Variants in DST observed in about 807,000 individuals in gnomAD.
DST encodes dystonin.
A neutral mutation model predicts 875.2 loss-of-function variants in DST; 253 were observed. The observed-to-expected ratio is 0.29, with a 90% CI of 0.26 to 0.32. The LOEUF is 0.32. Among genes scored for constraint, DST ranks in the 10% least tolerant of loss-of-function variants. The pLI is 1.00. For synonymous variants in DST, 3,124 were observed against 3,197.1 expected, an observed-to-expected ratio of 0.98 and a Z score of 0.77; for missense variants, 8,287 against 9,111.6, an observed-to-expected ratio of 0.91 and a Z score of 3.68.
intron 43 of DST, 116 bp downstream of exon 43, chr6:56,602,766 C>G (rs2098457825): frequency 5.4e-6 from 4 of 743,734 alleles, no homozygotes; most frequent in Non-Finnish European, 7.8e-6. Context: ...TCTCTAGAGA[C>G]AAAGAAAGGA....
In DST at chr6:56,552,353, G is replaced by A; in HGVS notation, c.16439C>T (p.Ala5480Val). The A allele has an allele frequency of 6.2e-7, 1 of 1,613,920 alleles. No homozygotes were observed. Among genetic ancestry groups the A allele is most frequent in the East Asian group, 2.2e-5 (1 of 44,878 alleles). The change falls in exon 61 of 104, where the codon GCC becomes GTC. Residue 5480 changes from alanine (A) to valine (V), a missense_variant. By Grantham distance (64) the Ala-to-Val change is moderately conservative. Around this residue, in one of 10 missense-constraint regions of DST, gnomAD observed 777 missense variants for 764.8 expected, o/e 1.02. Coordinates refer to ENST00000680361, the MANE Select transcript of DST (RefSeq NM_001374736.1). ...SKQCNKLLDR[A>V]QAREEQVEGT... The stretch of plus-strand genomic sequence containing the variant: ...TTCAACCTGCTCTTCTCTGGCTTGG[G>A]CTCGGTCCAGTAACTTGTTGCATTG...
intron 2 of DST, among the ~76,000 whole-genome samples, chr6:56,914,975 T>C (rs1475560448): frequency 6.6e-6 from 1 of 152,174 alleles, no homozygotes; most frequent in Non-Finnish European, 1.5e-5. Context: ...AATCTGCTCT[T>C]GCGGCAGCCA....
At chr6:56,489,366 T>C in intron 86 of DST, 124 bp downstream of exon 86, 3 of 909,100 alleles carry the variant, frequency 3.3e-6, no homozygotes, top group Non-Finnish European at 4.5e-6. Flanking sequence ...TTAAATTTAA[T>C]ACAGGTTCAC....
At chr6:56,550,744 G>A (rs2097308063) in intron 61 of DST, among the ~76,000 whole-genome samples, 1 of 152,112 alleles carries the variant, frequency 6.6e-6, no homozygotes, top group Non-Finnish European at 1.5e-5. Flanking sequence ...CATTTAATGT[G>A]GTTAAATTTC....
rs1016673542 is a variant in DST at position 56,640,233 on chromosome 6, T to C, written c.2400A>G (p.Leu800=). Residue 800 remains leucine (L), a synonymous_variant, in exon 18 of 104, where the codon CTA becomes CTG. Coordinates refer to ENST00000680361, the MANE Select transcript of DST (RefSeq NM_001374736.1). ...AATTTTGATCCAGCAAAGAAGACTT[T>C]AGAAGGGGTTTTCGGATCTGCATCA... ...LKLMQIRKPL[L]KSSLLDQNLT... The C allele has an allele frequency of 5.6e-6, 9 of 1,614,076 alleles. No homozygotes were observed. The East Asian group carries it at 6.7e-5, about 12-fold the overall frequency.
chr6:56,648,502 A>G (rs2098957033), intron 13 of DST, 68 bp downstream of exon 13: 2 of 1,407,530 alleles, frequency 1.4e-6, no homozygotes, highest in African/African-American at 1.5e-5. Context: ...AAATTACAGA[A>G]TTATTATAGC....
intron 53 of DST, among the ~76,000 whole-genome samples, chr6:56,570,916 A>G (rs975644598): frequency 2.0e-5 from 3 of 152,240 alleles, no homozygotes; most frequent in African/African-American, 7.2e-5. Context: ...ACAATCACTG[A>G]CATGAGGAAA....
At chr6:56,624,139 G>A (rs1050768462) in intron 36 of DST, among the ~76,000 whole-genome samples, 1 of 152,018 alleles carries the variant, frequency 6.6e-6, no homozygotes, top group Admixed American at 6.6e-5. Context: ...AAATGTGTTC[G>A]TGTGGTATTC....
intron 2 of DST, among the ~76,000 whole-genome samples, chr6:56,942,970 A>G (rs2599698): frequency 1 from 151,762 of 152,250 alleles, 75,643 homozygotes; most frequent in Middle Eastern, 1. Flanking sequence ...ATTCTCCCGC[A>G]TCTGCCTCCC....
At chr6:56,763,684 TAC>T (rs553580754) in intron 4 of DST, among the ~76,000 whole-genome samples, 2,108 of 117,032 alleles carry the variant, frequency 0.018, 23 homozygotes, top group African/African-American at 0.019. Context: ...AAAATACCTA[TAC>T]ACACACACAC....
intron 39 of DST, among the ~76,000 whole-genome samples, chr6:56,609,812 TA>T (rs1489070108): frequency 3.3e-5 from 5 of 152,168 alleles, no homozygotes; most frequent in Admixed American, 2.6e-4. Flanking sequence ...GAAAAATTGT[TA>T]CATACCCCCA....
At chr6:56,560,181 A>T in intron 58 of DST, 113 bp downstream of exon 58, 1 of 1,104,824 alleles carries the variant, frequency 9.1e-7, no homozygotes, top group Non-Finnish European at 1.2e-6. Flanking sequence ...CTGAAACATT[A>T]AAGCAAATCC....
intron 44 of DST, among the ~76,000 whole-genome samples, chr6:56,600,516 T>TA (rs1259750746): frequency 6.6e-6 from 1 of 152,022 alleles, no homozygotes; most frequent in Non-Finnish European, 1.5e-5. Context: ...CCCATTTTCT[T>TA]AAGCTGTTGA....
chr6:56,717,968 A>G (rs2099400926), intron 5 of DST, among the ~76,000 whole-genome samples: 2 of 152,194 alleles, frequency 1.3e-5, no homozygotes, highest in African/African-American at 2.4e-5. Flanking sequence ...TCTAGGCAGC[A>G]GGCAAGAAGA....
At position 56,555,858 on chromosome 6, in the gene DST, A is replaced by G; in HGVS notation, c.14641-18T>C. 1 of 1,467,040 alleles carries G rather than the reference A, an allele frequency of 6.8e-7. No individual in the cohort carries two copies. Among genetic ancestry groups the G allele is most frequent in the South Asian group, 1.6e-5 (1 of 62,134 alleles). The allele number at this position is 1,467,040 out of a possible 1,614,324, so 90.9% of individuals were successfully genotyped here. A position where few individuals can be genotyped will look rare whatever the true frequency, so the allele number is the denominator to read the frequency against. On this transcript the variant is annotated intron_variant, in intron 59 of 103. Transcript: ENST00000680361. Reference sequence around the variant, plus strand: ...AGCAAAATCTAAGGTAACAAGGGTAAACAAACGCAAATTATTATATAATTG... The same window carrying G: ...AGCAAAATCTAAGGTAACAAGGGTAGACAAACGCAAATTATTATATAATTG...
chr6:56,870,761 A>G (rs1209143863), intron 3 of DST, among the ~76,000 whole-genome samples: 1 of 152,138 alleles, frequency 6.6e-6, no homozygotes, highest in African/African-American at 2.4e-5. Context: ...GTCACAAAGC[A>G]TACAATGAAA....
At chr6:56,582,856 T>C (rs1431026414) in intron 49 of DST, among the ~76,000 whole-genome samples, 4 of 152,172 alleles carry the variant, frequency 2.6e-5, no homozygotes, top group South Asian at 2.1e-4. Context: ...TTTGGTTTTT[T>C]GGCCTTGTGA....
chr6:56,860,418 A>C (rs1222069697), intron 3 of DST, among the ~76,000 whole-genome samples: 1 of 152,202 alleles, frequency 6.6e-6, no homozygotes, highest in Non-Finnish European at 1.5e-5. Flanking sequence ...GACAACAAAC[A>C]AAAATAGATA....
chr6:56,918,417 A>G (rs1187154570), intron 2 of DST, among the ~76,000 whole-genome samples: 1 of 152,032 alleles, frequency 6.6e-6, no homozygotes, highest in Non-Finnish European at 1.5e-5. Flanking sequence ...ATGAGCCACC[A>G]CACCCTCTTT....
Sources: allele counts gnomAD v4.1 joint callset (sites outside exome capture counted in the v4.1 genomes callset), GRCh38; gene constraint gnomAD v4.1.1; regional missense constraint gnomAD v4.1.1; transcripts MANE v1.5; gene names NCBI Gene and HGNC (gene_info 2026-07-23, HGNC 2026-07-21).